HDX: variants seen among roughly 807,000 people sequenced by gnomAD.
HDX encodes the protein highly divergent homeobox.
In HDX, 19 loss-of-function variants were observed where a neutral mutation model predicts 45.2. The ratio of observed to expected loss-of-function variants is 0.42; its 90% confidence interval spans 0.29 to 0.62. The LOEUF (loss-of-function observed/expected upper bound fraction) is 0.62, where lower values mean the gene tolerates loss of function less well. Ranked by LOEUF, HDX falls within the 20% of genes least tolerant of loss-of-function variation. The probability of loss-of-function intolerance (pLI) is 0.20; values close to 1 mark genes in which losing one functional copy is unlikely to be tolerated. For synonymous variants in HDX, 188 were observed against 172.8 expected, an observed-to-expected ratio of 1.09 and a Z score of -0.69; for missense variants, 532 against 493.9, an observed-to-expected ratio of 1.08 and a Z score of -0.73.
intron 5 of HDX, among the ~76,000 whole-genome samples, chrX:84,431,989 C>G (rs1358327966): frequency 1.8e-5 from 2 of 111,362 alleles, no homozygotes; most frequent in Non-Finnish European, 3.8e-5. Flanking sequence ...AGTGTTTAAT[C>G]CATCTTGAGT....
chrX:84,406,972 A>T (rs1405504280), intron 5 of HDX, among the ~76,000 whole-genome samples: 1 of 111,475 alleles, frequency 9.0e-6, no homozygotes, highest in Non-Finnish European at 1.9e-5. Flanking sequence ...AAAGACAGCC[A>T]AACAGAACTT....
At chrX:84,339,668 G>A (rs1569281581) in intron 7 of HDX, among the ~76,000 whole-genome samples, 1 of 111,111 alleles carries the variant, frequency 9.0e-6, no homozygotes, top group Non-Finnish European at 1.9e-5. Context: ...TCTGCTAATT[G>A]GATAATAAAG....
intron 5 of HDX, among the ~76,000 whole-genome samples, chrX:84,415,278 G>A (rs1470411742): frequency 8.9e-6 from 1 of 112,037 alleles, no homozygotes; most frequent in African/African-American, 3.2e-5. Context: ...ATGATATCCT[G>A]CCAATAGTGC....
At chrX:84,482,135 G>A (rs910296536) in intron 2 of HDX, among the ~76,000 whole-genome samples, 8 of 111,656 alleles carry the variant, frequency 7.2e-5, no homozygotes, top group African/African-American at 2.0e-4. Context: ...CACTTAGATC[G>A]ATTCCATGTC....
At position 84,493,888 on chromosome X, in the gene HDX, C is replaced by T. The variant is rs1377973814; in HGVS notation, c.-109-5756G>A. On this transcript the variant is annotated intron_variant, in intron 1 of 10. Transcript: ENST00000373177. ...AATTGTTTGTAACACAAAGGATAAA[C>T]GCTTAAGGGAATGGATAGCCCATTT... 6.3e-5 allele frequency among the ~76,000 whole-genome samples: 7 copies of T among 111,173 alleles called. No homozygotes were observed. The East Asian group carries it at 8.4e-4, about 13-fold the overall frequency.
intron 4 of HDX, among the ~76,000 whole-genome samples, chrX:84,451,482 G>A (rs1450842492): frequency 9.2e-6 from 1 of 109,186 alleles, no homozygotes; most frequent in Non-Finnish European, 1.9e-5. Context: ...AAAAGAAATA[G>A]AAAACCTGAA....
chrX:84,341,616 A>C (rs1055336316), intron 7 of HDX, among the ~76,000 whole-genome samples: 2 of 110,593 alleles, frequency 1.8e-5, no homozygotes, highest in African/African-American at 6.6e-5. Flanking sequence ...CTAAAACACC[A>C]AATTCAATGG....
chrX:84,391,191 G>A (rs2038432787), intron 5 of HDX, among the ~76,000 whole-genome samples: 1 of 97,824 alleles, frequency 1.0e-5, no homozygotes, highest in South Asian at 4.4e-4. Flanking sequence ...ACATATGAAT[G>A]AGAATGTGAT....
intron 5 of HDX, among the ~76,000 whole-genome samples, chrX:84,432,754 C>A (rs898704045): frequency 3.1e-4 from 34 of 111,094 alleles, no homozygotes; most frequent in African/African-American, 1.0e-3. Flanking sequence ...AGGTATAGAA[C>A]CATATCATCT....
At chrX:84,379,782 C>T (rs1008630076) in intron 5 of HDX, among the ~76,000 whole-genome samples, 2 of 110,302 alleles carry the variant, frequency 1.8e-5, no homozygotes, top group African/African-American at 6.6e-5. Flanking sequence ...GAAAAATCAT[C>T]AAATACACAA....
intron 5 of HDX, among the ~76,000 whole-genome samples, chrX:84,430,245 C>T (rs1369137035): frequency 9.0e-6 from 1 of 110,756 alleles, no homozygotes; most frequent in East Asian, 2.8e-4. Flanking sequence ...TTTTAGCTTT[C>T]AAATATGAGT....
At chrX:84,379,798 T>C (rs947238359) in intron 5 of HDX, among the ~76,000 whole-genome samples, 2 of 110,415 alleles carry the variant, frequency 1.8e-5, no homozygotes, top group Non-Finnish European at 3.8e-5. Flanking sequence ...CACAATCTAA[T>C]AATGCATCTC....
At chrX:84,482,479 T>A (rs761923047) in intron 2 of HDX, among the ~76,000 whole-genome samples, 4 of 111,415 alleles carry the variant, frequency 3.6e-5, no homozygotes, top group Admixed American at 9.5e-5. Context: ...GGAAGGAGAA[T>A]AATGATAGCC....
chrX:84,359,316 C>T (rs1156451781), intron 6 of HDX, among the ~76,000 whole-genome samples: 1 of 110,481 alleles, frequency 9.1e-6, no homozygotes, highest in Non-Finnish European at 1.9e-5. Flanking sequence ...GCCTTGTATA[C>T]ATTAGCTTTT....
rs2036542471 is a variant in HDX, at chrX:84,318,625, C to T, written c.*3264G>A. 9.0e-6 allele frequency: 1 copy of T among 111,018 alleles called. No individual in the cohort carries two copies. The highest frequency in any genetic ancestry group is 3.3e-5 in the African/African-American group (1 of 30,764). The allele number at this position is 111,018 out of a possible 1,213,427, so 9.1% of individuals were successfully genotyped here. ...AGAGCCCAAAATTATTTTAAATTAACCACTTATGTTTTCTCCTACAAACTT... is the reference window on the plus strand; with the variant it reads ...AGAGCCCAAAATTATTTTAAATTAATCACTTATGTTTTCTCCTACAAACTT... On this transcript the variant is annotated 3_prime_UTR_variant, in exon 11 of 11. Coordinates refer to ENST00000373177, the MANE Select transcript of HDX (RefSeq NM_001177479.2).
chrX:84,337,946 A>G (rs2037001463), intron 7 of HDX, among the ~76,000 whole-genome samples: 1 of 111,144 alleles, frequency 9.0e-6, no homozygotes, highest in Admixed American at 9.6e-5. Flanking sequence ...TAAAAAAACA[A>G]GGTAGCAATG....
intron 5 of HDX, among the ~76,000 whole-genome samples, chrX:84,403,732 A>G (rs1458426886): frequency 2.7e-5 from 3 of 112,083 alleles, no homozygotes; most frequent in Non-Finnish European, 5.6e-5. Context: ...TGTCCTATAA[A>G]CTAAGCTGTT....
At chrX:84,457,185 A>G in intron 4 of HDX, among the ~76,000 whole-genome samples, 1 of 111,692 alleles carries the variant, frequency 9.0e-6, no homozygotes, top group Non-Finnish European at 1.9e-5. Flanking sequence ...CTATGCTTAC[A>G]GAAGTACACA....
At chrX:84,377,095 TAA>T (rs1336218379) in intron 5 of HDX, among the ~76,000 whole-genome samples, 1 of 112,145 alleles carries the variant, frequency 8.9e-6, no homozygotes, top group Non-Finnish European at 1.9e-5. Context: ...GGGAAGATAA[TAA>T]GTCTCTGTCT....
Sources: gnomAD v4.1 joint callset for allele counts (sites outside exome capture counted in the v4.1 genomes callset) on GRCh38, gnomAD v4.1.1 for gene constraint, MANE v1.5 for transcripts, NCBI Gene and HGNC (gene_info 2026-07-23, HGNC 2026-07-21) for gene names.